Variants in CCDC85A observed in about 807,000 individuals in gnomAD.
The protein encoded by CCDC85A is coiled-coil domain containing 85A.
In CCDC85A, 38 loss-of-function variants were observed where a neutral mutation model predicts 50.2. That is an observed-to-expected ratio of 0.76 (90% CI 0.58 to 0.99). The LOEUF is 0.99. Ranked by LOEUF, CCDC85A falls within the 50% of genes least tolerant of loss-of-function variation. The pLI, the probability that CCDC85A is intolerant of heterozygous loss-of-function variation, is 0.00. For synonymous variants in CCDC85A, 366 were observed against 301.4 expected (o/e 1.21, Z -2.22); for missense variants, 820 against 742.0 (o/e 1.11, Z -1.22).
intron 2 of CCDC85A, among the ~76,000 whole-genome samples, chr2:56,267,222 C>G (rs1670490547): frequency 6.6e-6 from 1 of 152,180 alleles, no homozygotes; most frequent in African/African-American, 2.4e-5. Context: ...ACCCCACGCT[C>G]TTGCCAGTTC....
chr2:56,292,585 G>A (rs1012862690), intron 2 of CCDC85A, among the ~76,000 whole-genome samples: 1 of 152,132 alleles, frequency 6.6e-6, no homozygotes, highest in Non-Finnish European at 1.5e-5. Flanking sequence ...AATTAGTTTT[G>A]CCTGCTTTTA....
chr2:56,289,155 T>A (rs1330072543), intron 2 of CCDC85A, among the ~76,000 whole-genome samples: 2 of 152,214 alleles, frequency 1.3e-5, no homozygotes, highest in Non-Finnish European at 2.9e-5. Context: ...GGACCCATGA[T>A]TTCTTATTAT....
chr2:56,298,107 A>C (rs1672038095), intron 2 of CCDC85A, among the ~76,000 whole-genome samples: 1 of 152,232 alleles, frequency 6.6e-6, no homozygotes, highest in Non-Finnish European at 1.5e-5. Flanking sequence ...TGTTATGTGG[A>C]AAAATGATTC....
chr2:56,232,326 C>T (rs561820300), intron 2 of CCDC85A, among the ~76,000 whole-genome samples: 15 of 152,194 alleles, frequency 9.9e-5, no homozygotes, highest in East Asian at 5.8e-4. Context: ...AAAATGGTAC[C>T]GCTCAATTGT....
chr2:56,185,496 G>C (rs909714522), intron 1 of CCDC85A, among the ~76,000 whole-genome samples: 2 of 152,144 alleles, frequency 1.3e-5, no homozygotes, highest in Non-Finnish European at 2.9e-5. Flanking sequence ...TCCCTCTCCC[G>C]GAGTTTGGAA....
chr2:56,191,314 T>C (rs1247328133), intron 1 of CCDC85A, among the ~76,000 whole-genome samples: 4 of 152,226 alleles, frequency 2.6e-5, no homozygotes, highest in Non-Finnish European at 5.9e-5. Flanking sequence ...AGCTGTACCA[T>C]GTCAGGGTCT....
In CCDC85A at chr2:56,192,433, CT is replaced by C; in HGVS notation, c.277-43del. 6.4e-7 allele frequency: 1 copy of C among 1,561,768 alleles called. No homozygotes were observed. Among genetic ancestry groups the C allele is most frequent in the Non-Finnish European group, 8.7e-7 (1 of 1,153,522 alleles). ...CCAGGAAGTCTGAGCCTGCTGACAC[CT>C]CAGATGTGTACTTCCCTTGAATGGT... is the stretch of plus-strand genomic sequence containing the variant. On this transcript the variant is annotated intron_variant, in intron 1 of 5. Coordinates refer to ENST00000407595, the MANE Select transcript of CCDC85A (RefSeq NM_001080433.2). This position sits in a 1 kb window ranked among gnomAD's most constrained non-coding sequence, Gnocchi z 4.7.
chr2:56,321,018 A>G (rs1673155941), intron 2 of CCDC85A, among the ~76,000 whole-genome samples: 2 of 152,174 alleles, frequency 1.3e-5, no homozygotes, highest in South Asian at 2.1e-4. Context: ...TCCATCATAT[A>G]AACAGAACCA....
Position 56,331,914 on chromosome 2 carries a change from T to C in CCDC85A, c.1241-10965T>C, listed in dbSNP as rs377354291. 7.9e-5 allele frequency among the ~76,000 whole-genome samples: 12 copies of C among 152,354 alleles called. No homozygotes were observed. The East Asian group carries it at 1.5e-3, about 20-fold the overall frequency. ...TTTCTCTTCACAAAAAAATGCCCTT[T>C]TGATATGGACTGCTGCCCCCTGCCC... On this transcript the variant is annotated intron_variant, in intron 2 of 5. Transcript: ENST00000407595.
At chr2:56,337,789 T>C (rs909556342) in intron 2 of CCDC85A, among the ~76,000 whole-genome samples, 1 of 151,870 alleles carries the variant, frequency 6.6e-6, no homozygotes, top group African/African-American at 2.4e-5. Context: ...TCCTTTTTTT[T>C]TTCTTTTTTT....
intron 3 of CCDC85A, among the ~76,000 whole-genome samples, chr2:56,360,229 A>C (rs1197040466): frequency 6.6e-6 from 1 of 152,246 alleles, no homozygotes; most frequent in Non-Finnish European, 1.5e-5. Context: ...GCAATTTTCA[A>C]GCCTCTCTGT....
chr2:56,324,207 T>G (rs947485735), intron 2 of CCDC85A, among the ~76,000 whole-genome samples: 1 of 152,086 alleles, frequency 6.6e-6, no homozygotes, highest in Non-Finnish European at 1.5e-5. Context: ...GAAGCCCCAG[T>G]TGGGTCATTG....
At chr2:56,312,376 TG>T (rs1672736444) in intron 2 of CCDC85A, among the ~76,000 whole-genome samples, 1 of 152,140 alleles carries the variant, frequency 6.6e-6, no homozygotes, top group Non-Finnish European at 1.5e-5. Context: ...AAATGTTTAA[TG>T]TTTATTATAG....
chr2:56,191,507 G>A (rs17047561), intron 1 of CCDC85A, among the ~76,000 whole-genome samples: 24,759 of 152,200 alleles, frequency 0.16, 2,091 homozygotes, highest in Admixed American at 0.21. Flanking sequence ...AGGGCCATGA[G>A]ATTAAAGGAT....
intron 2 of CCDC85A, among the ~76,000 whole-genome samples, chr2:56,286,760 A>G (rs1214160297): frequency 6.6e-6 from 1 of 152,092 alleles, no homozygotes; most frequent in Non-Finnish European, 1.5e-5. Context: ...CTACTTTTGT[A>G]TGACTTGTTC....
At chr2:56,228,400 A>C (rs1448399448) in intron 2 of CCDC85A, among the ~76,000 whole-genome samples, 2 of 152,138 alleles carry the variant, frequency 1.3e-5, no homozygotes, top group Non-Finnish European at 2.9e-5. Context: ...GGATTAAATG[A>C]GACAATACTA....
intron 2 of CCDC85A, among the ~76,000 whole-genome samples, chr2:56,239,122 A>G (rs12993884): frequency 0.15 from 22,770 of 152,052 alleles, 2,056 homozygotes; most frequent in East Asian, 0.28. Flanking sequence ...AGAGAGGAGT[A>G]TACTTTTTGA....
chr2:56,202,434 C>G (rs181144571), intron 2 of CCDC85A, among the ~76,000 whole-genome samples: 1 of 152,312 alleles, frequency 6.6e-6, no homozygotes, highest in African/African-American at 2.4e-5. Flanking sequence ...GATAAACATT[C>G]TTGAGAAGAT....
chr2:56,191,184 C>T (rs763853182), intron 1 of CCDC85A, among the ~76,000 whole-genome samples: 2 of 152,190 alleles, frequency 1.3e-5, no homozygotes, highest in Non-Finnish European at 2.9e-5. Context: ...TTCTCTGTAG[C>T]GGTATCTTCT....
Sources: allele counts gnomAD v4.1 joint callset (sites outside exome capture counted in the v4.1 genomes callset), GRCh38; gene constraint gnomAD v4.1.1; non-coding constraint Gnocchi (gnomAD v3.1); transcripts MANE v1.5; gene names NCBI Gene and HGNC (gene_info 2026-07-23, HGNC 2026-07-21).